The following KMT2A variants were observed in gnomAD, a reference collection of about 807,000 sequenced individuals.
KMT2A encodes lysine methyltransferase 2A, also known as histone-lysine N-methyltransferase 2A.
KMT2A carries 16 observed loss-of-function variants against 345.3 expected under a neutral mutation model. The observed-to-expected ratio is 0.05, with a 90% confidence interval of 0.03 to 0.07. The LOEUF (loss-of-function observed/expected upper bound fraction) is 0.07, where lower values mean the gene tolerates loss of function less well. Ranked by LOEUF, KMT2A falls within the 10% of genes least tolerant of loss-of-function variation. KMT2A has a pLI of 1.00. For missense variants in KMT2A, 3,272 were observed against 4,841.6 expected (o/e 0.68, Z 9.62); for synonymous variants, 1,599 against 1,778.6 (o/e 0.90, Z 2.54).
chr11:118,509,311 T>G, intron 29 of KMT2A, 111 bp downstream of exon 29: 1 of 888,164 alleles, frequency 1.1e-6, no homozygotes, highest in Non-Finnish European at 1.7e-6. Flanking sequence ...AAATCTAAGC[T>G]CCAAAGAAGT....
rs782582553 is a variant in KMT2A, at chr11:118,501,079, C to T, written c.6251C>T (p.Pro2084Leu). 5.0e-6 allele frequency: 8 copies of T among 1,613,888 alleles called. No homozygotes were observed. The highest frequency in any genetic ancestry group is 2.2e-5 in the East Asian group (1 of 44,898). Reference protein sequence around the residue: ...IVECRPPVVEPDINSTVEHDE... With the variant: ...IVECRPPVVELDINSTVEHDE... ...GAGTGCCGTCCTCCAGTCGTAGAGCCGGATATCAACAGCACTGTTGAACAT... is the reference window on the plus strand; with the variant it reads ...GAGTGCCGTCCTCCAGTCGTAGAGCTGGATATCAACAGCACTGTTGAACAT... The change falls in exon 25 of 36, where the codon CCG (proline) becomes CTG (leucine). Residue 2084 changes from proline to leucine, a missense_variant. This residue lies in a region of KMT2A where 235 missense variants were observed against 503.4 expected (regional missense o/e 0.47). Coordinates refer to ENST00000534358, the MANE Select transcript of KMT2A (RefSeq NM_001197104.2).
At position 118,494,471 on chromosome 11, in the gene KMT2A, T is replaced by C. The variant is rs1304803118; in HGVS notation, c.5289+73T>C. The C allele has an allele frequency of 1.1e-6, 1 of 921,708 alleles. No individual in the cohort carries two copies. The highest frequency in any genetic ancestry group is 1.7e-6 in the Non-Finnish European group (1 of 574,712). The allele number at this position is 921,708 out of a possible 1,614,324, so 57.1% of individuals were successfully genotyped here. The stretch of plus-strand genomic sequence containing the variant: ...TTACCCTGTGAATACAATGAACTTG[T>C]TCTCTTCTACTTTTTGCTTTGTGGT... On this transcript the variant is annotated intron_variant, in intron 17 of 35. Transcript: ENST00000534358. The surrounding 1 kb of genome is among the most constrained non-coding windows in gnomAD (Gnocchi z 5.8).
intron 2 of KMT2A, among the ~76,000 whole-genome samples, chr11:118,469,846 T>C (rs1288917754): frequency 1.3e-5 from 2 of 152,192 alleles, no homozygotes; most frequent in African/African-American, 2.4e-5. Flanking sequence ...AAGTTGACAG[T>C]TTTTCTTTTC....
rs1555046550 is a variant in KMT2A, at chr11:118,503,290, G to A, written c.7398G>A (p.Glu2466=). 3.1e-6 allele frequency: 5 copies of A among 1,614,052 alleles called. No individual in the cohort carries two copies. The Admixed American group carries it at 8.3e-5, about 27-fold the overall frequency. ...GTGAGGAAGGAAACTTGAAGCCAGA[G>A]TTTATGGATGAGGTTTTGACTCCTG... ...TTGEEGNLKP[E]FMDEVLTPEY... Residue 2466 remains glutamate (E), a synonymous_variant, in exon 27 of 36, where the codon GAG becomes GAA. Transcript: ENST00000534358. This position sits in a 1 kb window ranked among gnomAD's most constrained non-coding sequence, Gnocchi z 5.3.
Position 118,470,277 on chromosome 11 carries a change from C to T in KMT2A, c.503-1385C>T, listed in dbSNP as rs200238069. 8.5e-5 allele frequency among the ~76,000 whole-genome samples: 13 copies of T among 152,154 alleles called. No individual in the cohort carries two copies. The East Asian group carries it at 2.1e-3, about 25-fold the overall frequency. ...GGTAAGGAATCTTTTGATGTATTTCCGGGCAGGAGTTGTTTTGTTTGTTTG... is the reference window on the plus strand; with the variant it reads ...GGTAAGGAATCTTTTGATGTATTTCTGGGCAGGAGTTGTTTTGTTTGTTTG... On this transcript the variant is annotated intron_variant, in intron 2 of 35. Coordinates refer to ENST00000534358, the MANE Select transcript of KMT2A (RefSeq NM_001197104.2).
intron 23 of KMT2A, 130 bp downstream of exon 23, chr11:118,499,550 G>A: frequency 1.4e-6 from 1 of 719,644 alleles, no homozygotes; most frequent in East Asian, 2.5e-5. Flanking sequence ...TTGGGAGGCT[G>A]AGGCGGGCAG....
intron 31 of KMT2A, among the ~76,000 whole-genome samples, chr11:118,518,289 A>C (rs1470204516): frequency 6.6e-6 from 1 of 152,226 alleles, no homozygotes; most frequent in East Asian, 1.9e-4. Flanking sequence ...AAATAATTTT[A>C]AAATGAAAGC....
chr11:118,472,597 A>G lies in KMT2A; in HGVS notation c.1438A>G (p.Ser480Gly). Residue 480 changes from serine to glycine, a missense_variant, in exon 3 of 36, where the codon AGT becomes GGT. Transcript: ENST00000534358. ...AATGTCTTCAGACTCCTCTCGATCT[A>G]GTAGCCCCAGTGTTGATACCTCCAC... ...SQMSSDSSRS[S>G]SPSVDTSTDS... The G allele has an allele frequency of 6.2e-7, 1 of 1,611,654 alleles. No individual in the cohort carries two copies. Among genetic ancestry groups the G allele is most frequent in the East Asian group, 2.2e-5 (1 of 44,828 alleles).
chr11:118,509,920 C>T (rs1555049612), intron 29 of KMT2A, 28 bp from the exon 30 acceptor site: 9 of 1,556,354 alleles, frequency 5.8e-6, no homozygotes, highest in Admixed American at 5.5e-5. Flanking sequence ...TTTGTTACTG[C>T]AACCACTATC....
chr11:118,525,783 A>G lies in KMT2A; in HGVS notation c.*3611A>G. On this transcript the variant is annotated 3_prime_UTR_variant, in exon 36 of 36. Coordinates refer to ENST00000534358, the MANE Select transcript of KMT2A (RefSeq NM_001197104.2). ...GTTTGGGATTTTTTTTTTTTAATAG[A>G]AATCAAGTTGTTTTTGTTTTTAAGG... 4.5e-6 allele frequency: 1 copy of G among 224,556 alleles called. No homozygotes were observed. The highest frequency in any genetic ancestry group is 8.9e-6 in the Non-Finnish European group (1 of 112,926). The allele number at this position is 224,556 out of a possible 1,614,324, so 13.9% of individuals were successfully genotyped here. A position where few individuals can be genotyped will look rare whatever the true frequency, so the allele number is the denominator to read the frequency against.
Position 118,521,424 on chromosome 11 carries a change from C to G in KMT2A, c.11643+7C>G. 1 of 1,613,956 alleles carries G rather than the reference C, an allele frequency of 6.2e-7. No homozygotes were observed. Among genetic ancestry groups the G allele is most frequent in the South Asian group, 1.1e-5 (1 of 91,034 alleles). On this transcript the variant is annotated splice_region_variant and intron_variant, in intron 35 of 35. Transcript: ENST00000534358. This position sits in a 1 kb window ranked among gnomAD's most constrained non-coding sequence, Gnocchi z 5.3. Reference sequence around the variant, plus strand: ...AAAGTATTACGACAGCAAGGTAAGTCTCCCACTTGCACTCACACAGTTCTT... The same window carrying G: ...AAAGTATTACGACAGCAAGGTAAGTGTCCCACTTGCACTCACACAGTTCTT...
intron 10 of KMT2A, among the ~76,000 whole-genome samples, chr11:118,487,981 C>A (rs1314324265): frequency 6.6e-6 from 1 of 152,158 alleles, no homozygotes; most frequent in Non-Finnish European, 1.5e-5. Flanking sequence ...GAGATTGAGA[C>A]CATCCTCGCT....
intron 31 of KMT2A, among the ~76,000 whole-genome samples, chr11:118,518,717 A>C (rs1236744615): frequency 1.4e-5 from 2 of 145,466 alleles, no homozygotes; most frequent in African/African-American, 5.1e-5. Flanking sequence ...CAGGAGGTGG[A>C]GTTGTAGCGA....
At position 118,436,739 on chromosome 11, in the gene KMT2A, G is replaced by C. The variant is rs533795027; in HGVS notation, c.227G>C (p.Gly76Ala). The change falls in exon 1 of 36, where the codon GGG (glycine) becomes GCG (alanine). Residue 76 changes from glycine (G) to alanine (A), a missense_variant. Around this residue, in one of 27 missense-constraint regions of KMT2A, gnomAD observed 412 missense variants for 511.0 expected, o/e 0.81. Coordinates refer to ENST00000534358, the MANE Select transcript of KMT2A (RefSeq NM_001197104.2). This position sits in a 1 kb window ranked among gnomAD's most constrained non-coding sequence, Gnocchi z 6.9. The stretch of plus-strand genomic sequence containing the variant: ...GGAAGCAGCGGGGCTGGGGTTCCAG[G>C]GGGAGCGGCCGCCGCCTCAGCAGCC... ...AAGSSGAGVP[G>A]GAAAASAASS... 3.5e-5 allele frequency: 56 copies of C among 1,583,484 alleles called. No individual in the cohort carries two copies. The East Asian group carries it at 1.3e-3, about 36-fold the overall frequency.
Position 118,509,045 on chromosome 11 carries a change from T to G in KMT2A, c.10836-91T>G, listed in dbSNP as rs556841574. The G allele has an allele frequency of 3.4e-4, 367 of 1,073,256 alleles. 2 individuals are homozygous for G. In the African/African-American group the frequency reaches 5.0e-3, roughly 15 times the overall value. The allele number at this position is 1,073,256 out of a possible 1,614,324, so 66.5% of individuals were successfully genotyped here. ...TGTGGCTCATTTTCTAGCAGTTATT[T>G]TGTATACCACAGCTGTATAGAAAAT... is the stretch of plus-strand genomic sequence containing the variant. On this transcript the variant is annotated intron_variant, in intron 28 of 35. Coordinates refer to ENST00000534358, the MANE Select transcript of KMT2A (RefSeq NM_001197104.2).
chr11:118,509,290 T>A, intron 29 of KMT2A, 90 bp downstream of exon 29: 2 of 1,077,460 alleles, frequency 1.9e-6, no homozygotes, highest in Admixed American at 2.7e-5. Flanking sequence ...ATTTTCTACA[T>A]TTAAAAAAAA....
intron 5 of KMT2A, among the ~76,000 whole-genome samples, chr11:118,478,435 G>A (rs1043573560): frequency 2.0e-5 from 3 of 152,202 alleles, no homozygotes; most frequent in African/African-American, 7.2e-5. Context: ...TGGAATAGTA[G>A]ACAACAATAA....
In KMT2A at chr11:118,510,128, T is replaced by C. The variant is rs553790474; in HGVS notation, c.11071+10T>C. The C allele has an allele frequency of 6.3e-6, 10 of 1,590,982 alleles. No individual in the cohort carries two copies. In the East Asian group the frequency reaches 1.1e-4, roughly 18 times the overall value. ...GCAGAAAGTATTGAAGGTGAGTGGA[T>C]TAAATCAGGTTGACCCATCAGCAGA... On this transcript the variant is annotated intron_variant, in intron 30 of 35. Coordinates refer to ENST00000534358, the MANE Select transcript of KMT2A (RefSeq NM_001197104.2). This position sits in a 1 kb window ranked among gnomAD's most constrained non-coding sequence, Gnocchi z 4.1.
In KMT2A at chr11:118,472,015, A is replaced by G; in HGVS notation, c.856A>G (p.Lys286Glu). 2 of 1,613,620 alleles carry G rather than the reference A, an allele frequency of 1.2e-6. No homozygotes were observed. Among genetic ancestry groups the G allele is most frequent in the Non-Finnish European group, 8.5e-7 (1 of 1,179,902 alleles). ...ACTCTCTCCTCTCAAGTCTAAGTTT[A>G]AGACAGGGAAGCTTCAAATAGGAAG... ...GKLSPLKSKF[K>E]TGKLQIGRKG... The change falls in exon 3 of 36, where the codon AAG becomes GAG. Residue 286 changes from lysine (K) to glutamate (E), a missense_variant. Around this residue, in one of 27 missense-constraint regions of KMT2A, gnomAD observed 412 missense variants for 511.0 expected, o/e 0.81. Coordinates refer to ENST00000534358, the MANE Select transcript of KMT2A (RefSeq NM_001197104.2).
Sources: gnomAD v4.1 joint callset for allele counts (sites outside exome capture counted in the v4.1 genomes callset) on GRCh38, gnomAD v4.1.1 for gene constraint, gnomAD v4.1.1 regional missense constraint, Gnocchi (gnomAD v3.1) non-coding constraint, MANE v1.5 for transcripts, NCBI Gene and HGNC (gene_info 2026-07-23, HGNC 2026-07-21) for gene names.